CACNA2D3: variants seen among roughly 807,000 people sequenced by gnomAD.
CACNA2D3 encodes the protein voltage-dependent calcium channel subunit alpha-2/delta-3.
In CACNA2D3, 60 loss-of-function variants were observed where a neutral mutation model predicts 160.6. The observed-to-expected ratio is 0.37, with a 90% CI of 0.30 to 0.46. CACNA2D3 has a LOEUF of 0.46. Ranked by LOEUF, CACNA2D3 falls within the 20% of genes least tolerant of loss-of-function variation. The pLI is 1.00. For missense variants in CACNA2D3, 1,205 were observed against 1,365.0 expected (o/e 0.88, Z 1.85); for synonymous variants, 558 against 492.9 (o/e 1.13, Z -1.75).
chr3:54,489,550 A>G (rs1251899765), intron 4 of CACNA2D3, among the ~76,000 whole-genome samples: 10 of 152,180 alleles, frequency 6.6e-5, no homozygotes, highest in Non-Finnish European at 1.3e-4. Flanking sequence ...TTATTTCTCT[A>G]GGAAACTTGA....
At position 55,004,856 on chromosome 3, in the gene CACNA2D3, A is replaced by C. The variant is rs369103987; in HGVS notation, c.2766+18A>C. The C allele has an allele frequency of 1.9e-6, 3 of 1,576,578 alleles. No individual in the cohort carries two copies. In the African/African-American group the frequency reaches 4.1e-5, roughly 21 times the overall value. ...TCCTGGATGTAAGTACTATGCTGTC[A>C]CTCAGAAAACAGCCACACATTTCTG... On this transcript the variant is annotated intron_variant, in intron 32 of 37. Transcript: ENST00000474759.
chr3:54,447,672 T>C (rs189478574), intron 4 of CACNA2D3, among the ~76,000 whole-genome samples: 1 of 152,334 alleles, frequency 6.6e-6, no homozygotes, highest in Admixed American at 6.5e-5. Context: ...TAGGCCACAG[T>C]TACACGTCAA....
At chr3:54,626,385 G>C in intron 9 of CACNA2D3, 1 of 1,568,114 alleles carries the variant, frequency 6.4e-7, no homozygotes, top group African/African-American at 1.3e-5. Flanking sequence ...CCCTGCTGAA[G>C]TGCCTGCGCA....
intron 2 of CACNA2D3, among the ~76,000 whole-genome samples, chr3:54,284,100 T>A (rs1702950903): frequency 6.6e-6 from 1 of 152,102 alleles, no homozygotes; most frequent in Non-Finnish European, 1.5e-5. Context: ...ACTACTACTC[T>A]GATATATGTA....
chr3:54,540,790 C>T (rs1459592562), intron 5 of CACNA2D3, among the ~76,000 whole-genome samples: 1 of 152,054 alleles, frequency 6.6e-6, no homozygotes, highest in African/African-American at 2.4e-5. Context: ...TCTCCTAGTA[C>T]CATCACACTG....
intron 25 of CACNA2D3, among the ~76,000 whole-genome samples, chr3:54,896,363 T>C (rs530321591): frequency 7.9e-5 from 12 of 152,248 alleles, no homozygotes; most frequent in Admixed American, 2.6e-4. Context: ...ACTTAAGGAG[T>C]TGATTCTCCC....
intron 13 of CACNA2D3, among the ~76,000 whole-genome samples, chr3:54,785,279 C>T (rs546058023): frequency 6.6e-6 from 1 of 152,048 alleles, no homozygotes; most frequent in Admixed American, 6.5e-5. Context: ...TTTTTTCTCC[C>T]CTCCTATGTT....
chr3:55,067,128 A>T (rs1159760036), intron 35 of CACNA2D3, among the ~76,000 whole-genome samples: 1 of 150,872 alleles, frequency 6.6e-6, no homozygotes, highest in Non-Finnish European at 1.5e-5. Context: ...CTCTCAGTGT[A>T]GCTGCTTTCA....
At chr3:54,953,203 C>G (rs1701800625) in intron 27 of CACNA2D3, among the ~76,000 whole-genome samples, 1 of 152,166 alleles carries the variant, frequency 6.6e-6, no homozygotes. Flanking sequence ...ATTTAAGGCA[C>G]AAACGTATAA....
intron 32 of CACNA2D3, among the ~76,000 whole-genome samples, chr3:55,007,154 A>C (rs1251494312): frequency 1.3e-5 from 2 of 152,192 alleles, no homozygotes; most frequent in Non-Finnish European, 2.9e-5. Context: ...GCTTTTTTTA[A>C]TTAAAATATT....
intron 3 of CACNA2D3, among the ~76,000 whole-genome samples, chr3:54,350,045 A>T (rs1428822719): frequency 3.9e-5 from 6 of 152,208 alleles, no homozygotes; most frequent in Non-Finnish European, 7.3e-5. Flanking sequence ...AAATTAAATT[A>T]TACCTTCAAC....
Position 54,716,177 on chromosome 3 carries a change from T to C in CACNA2D3, c.1168-36422T>C, listed in dbSNP as rs2106974095. Reference sequence around the variant, plus strand: ...ATGCAAAAATAATACTATGTTCCCATGTACGCTTCCCCAGTTTGTCCCCTA... The same window carrying C: ...ATGCAAAAATAATACTATGTTCCCACGTACGCTTCCCCAGTTTGTCCCCTA... On this transcript the variant is annotated intron_variant, in intron 11 of 37. Transcript: ENST00000474759. Among the ~76,000 whole-genome samples, 2 of 152,322 alleles carry C rather than the reference T, an allele frequency of 1.3e-5. 1 individual carries two copies. The highest frequency in any genetic ancestry group is 4.1e-4 in the South Asian group (2 of 4,822).
At chr3:54,885,151 C>CGG in intron 21 of CACNA2D3, 130 bp from the exon 22 acceptor site, 2 of 812,254 alleles carry the variant, frequency 2.5e-6, no homozygotes, top group Non-Finnish European at 4.1e-6. Context: ...ACCTGCTGCT[C>CGG]CAAGGCAGGT....
chr3:54,863,146 T>C (rs1699327851), intron 17 of CACNA2D3, among the ~76,000 whole-genome samples: 1 of 152,236 alleles, frequency 6.6e-6, no homozygotes, highest in Non-Finnish European at 1.5e-5. Context: ...GGAGAAGGCA[T>C]ATATCCACGT....
chr3:54,976,902 G>T (rs1371946235), intron 29 of CACNA2D3, among the ~76,000 whole-genome samples: 7 of 152,180 alleles, frequency 4.6e-5, no homozygotes, highest in African/African-American at 1.4e-4. Context: ...GCATTATAAG[G>T]AGGGCCTCGT....
At chr3:55,057,430 C>T (rs1036949520) in intron 35 of CACNA2D3, among the ~76,000 whole-genome samples, 2 of 152,116 alleles carry the variant, frequency 1.3e-5, no homozygotes, top group Non-Finnish European at 2.9e-5. Flanking sequence ...AGATTCCCCC[C>T]ATCCCACCAA....
At chr3:54,292,928 A>G (rs1352123870) in intron 2 of CACNA2D3, among the ~76,000 whole-genome samples, 1 of 152,234 alleles carries the variant, frequency 6.6e-6, no homozygotes, top group Non-Finnish European at 1.5e-5. Context: ...AACAGCCCGA[A>G]TGTGCATCAA....
chr3:54,466,433 A>C (rs1700627822), intron 4 of CACNA2D3, among the ~76,000 whole-genome samples: 1 of 152,222 alleles, frequency 6.6e-6, no homozygotes, highest in African/African-American at 2.4e-5. Context: ...GCTAACAGAG[A>C]AAAGGAAAAC....
chr3:54,621,111 C>T (rs376976815), intron 9 of CACNA2D3, among the ~76,000 whole-genome samples: 3 of 152,178 alleles, frequency 2.0e-5, no homozygotes, highest in Non-Finnish European at 2.9e-5. Flanking sequence ...CTCCAAATAG[C>T]GGCTGTACTC....
Sources: allele counts gnomAD v4.1 joint callset (sites outside exome capture counted in the v4.1 genomes callset), GRCh38; gene constraint gnomAD v4.1.1; transcripts MANE v1.5; gene names NCBI Gene and HGNC (gene_info 2026-07-23, HGNC 2026-07-21).